PDE1C: variants seen among roughly 807,000 people sequenced by gnomAD.
PDE1C encodes the protein phosphodiesterase 1C.
Under a neutral mutation model 93.1 loss-of-function variants are expected in PDE1C, and 62 were observed. The ratio of observed to expected loss-of-function variants is 0.67; its 90% CI spans 0.54 to 0.82. PDE1C has a LOEUF of 0.82. PDE1C is among the 40% of genes least tolerant of loss of function. The pLI is 0.00. For synonymous variants in PDE1C, 325 were observed against 310.1 expected, an observed-to-expected ratio of 1.05 and a Z score of -0.50; for missense variants, 742 against 884.6, an observed-to-expected ratio of 0.84 and a Z score of 2.04.
chr7:32,406,790 G>A (rs76212094), intron 1 of PDE1C, among the ~76,000 whole-genome samples: 2,269 of 152,262 alleles, frequency 0.015, 31 homozygotes, highest in Middle Eastern at 0.027. Context: ...AGCAAGGATT[G>A]CACAGGGTTT....
intron 1 of PDE1C, among the ~76,000 whole-genome samples, chr7:32,408,192 C>T (rs998134091): frequency 9.9e-5 from 15 of 152,264 alleles, no homozygotes; most frequent in Admixed American, 9.2e-4. Flanking sequence ...ATGTAGTATA[C>T]AGCTTTAAGT....
In PDE1C at chr7:32,148,708, A is replaced by C. The variant is rs142906626; in HGVS notation, c.308+21077T>G. ...GACTGTAAACTCCTCAAGGATTTAC[A>C]GAGCCTTACTCACTGCCGTATCCCC... On this transcript the variant is annotated intron_variant, in intron 3 of 18. Transcript: ENST00000396193. Among the ~76,000 whole-genome samples, 341 of 152,334 alleles carry C rather than the reference A, an allele frequency of 2.2e-3. 11 individuals carry two copies. In the East Asian group the frequency reaches 0.051, roughly 23 times the overall value.
chr7:32,293,136 G>A (rs542263362), intron 1 of PDE1C, among the ~76,000 whole-genome samples: 1 of 152,312 alleles, frequency 6.6e-6, no homozygotes, highest in South Asian at 2.1e-4. Flanking sequence ...CACCCACAGG[G>A]TGACAGCCAG....
intron 1 of PDE1C, among the ~76,000 whole-genome samples, chr7:32,349,468 T>G (rs1783917290): frequency 6.6e-6 from 1 of 152,188 alleles, no homozygotes; most frequent in Non-Finnish European, 1.5e-5. Context: ...GGTCCAAAAT[T>G]AAATTCACTT....
At chr7:31,927,947 AT>A (rs1440770140) in intron 2 of PDE1C, among the ~76,000 whole-genome samples, 2 of 152,134 alleles carry the variant, frequency 1.3e-5, no homozygotes, top group African/African-American at 4.8e-5. Context: ...AGTTTGACGA[AT>A]TAACAGAAGT....
intron 2 of PDE1C, among the ~76,000 whole-genome samples, chr7:31,882,276 G>A (rs1797349400): frequency 6.6e-6 from 1 of 152,166 alleles, no homozygotes. Flanking sequence ...TGGAGGTGAA[G>A]GTCAGCCTTG....
rs550485895 is a variant in PDE1C at position 31,904,590 on chromosome 7, G to C, written c.129-23730C>G. 5.7e-4 allele frequency among the ~76,000 whole-genome samples: 87 copies of C among 151,318 alleles called. 1 individual carries two copies. The highest frequency in any genetic ancestry group is 2.0e-3 in the African/African-American group (84 of 41,258). On this transcript the variant is annotated intron_variant, in intron 2 of 17. Transcript: ENST00000396191. ...CTACATACTACTTCGACTCACTATA[G>C]AAATGGCTAAGAACAACTAAGAACT...
At chr7:31,643,233 A>G in the PDE1C span, 21 of 1,613,910 alleles carry the variant, frequency 1.3e-5, no homozygotes, top group East Asian at 4.7e-4. Context: ...GAGAAGAGGA[A>G]AGCAGTGGAT....
upstream of PDE1C, among the ~76,000 whole-genome samples, chr7:32,073,491 A>G (rs1300965090): frequency 6.6e-6 from 1 of 152,110 alleles, no homozygotes; most frequent in Non-Finnish European, 1.5e-5. Context: ...GCTCCAGTTG[A>G]ATGGGGAAGG....
intron 3 of PDE1C, among the ~76,000 whole-genome samples, chr7:32,129,866 G>C (rs768458919): frequency 1.2e-4 from 19 of 152,128 alleles, no homozygotes; most frequent in African/African-American, 4.6e-4. Flanking sequence ...TCTCAGTTTA[G>C]TATTAAAACA....
At chr7:31,651,130 C>A in the PDE1C span, 1 of 1,609,842 alleles carries the variant, frequency 6.2e-7, no homozygotes, top group South Asian at 1.1e-5. Context: ...AGTTCTTTCT[C>A]ATTGTTCTCA....
At chr7:31,721,775 G>A in the PDE1C span, among the ~76,000 whole-genome samples, 2 of 152,214 alleles carry the variant, frequency 1.3e-5, no homozygotes, top group Admixed American at 1.3e-4. Context: ...CCTTGAAAGA[G>A]CCAGGCTAAA....
chr7:32,290,217 A>G (rs1411680752), intron 1 of PDE1C, among the ~76,000 whole-genome samples: 1 of 152,178 alleles, frequency 6.6e-6, no homozygotes, highest in African/African-American at 2.4e-5. Flanking sequence ...CTTGGCTGAG[A>G]CAGGCACTCC....
At chr7:31,872,138 G>A (rs998111730) in intron 6 of PDE1C, among the ~76,000 whole-genome samples, 1 of 152,118 alleles carries the variant, frequency 6.6e-6, no homozygotes, top group African/African-American at 2.4e-5. Context: ...AAGACAAACA[G>A]CACATGTTCT....
At chr7:32,055,300 A>G (rs551025585) in intron 1 of PDE1C, among the ~76,000 whole-genome samples, 1 of 152,314 alleles carries the variant, frequency 6.6e-6, no homozygotes, top group Admixed American at 6.5e-5. Context: ...AAGGCTGGGG[A>G]GCTCACATTT....
In PDE1C at chr7:31,829,213, T is replaced by C. The variant is rs548396061; in HGVS notation, c.1204-840A>G. Among the ~76,000 whole-genome samples the C allele has an allele frequency of 1.2e-3, 181 of 152,250 alleles. 1 individual carries two copies. Among genetic ancestry groups the C allele is most frequent in the Non-Finnish European group, 2.2e-3 (147 of 68,004 alleles). Reference sequence around the variant, plus strand: ...TCCCTTTCTCCTACTAGATGTGAGATAGATCACAGGTAAGTTATTTTCCTT... The same window carrying C: ...TCCCTTTCTCCTACTAGATGTGAGACAGATCACAGGTAAGTTATTTTCCTT... On this transcript the variant is annotated intron_variant, in intron 11 of 17. Coordinates refer to ENST00000396191, the MANE Select transcript of PDE1C (RefSeq NM_001191057.4).
chr7:31,869,861 T>C (rs1583692272), intron 6 of PDE1C, among the ~76,000 whole-genome samples: 1 of 152,168 alleles, frequency 6.6e-6, no homozygotes, highest in Non-Finnish European at 1.5e-5. Context: ...GACCATATGT[T>C]AGGACACAAA....
intron 17 of PDE1C, among the ~76,000 whole-genome samples, chr7:31,764,369 C>T (rs1795013175): frequency 6.6e-6 from 1 of 152,098 alleles, no homozygotes; most frequent in Admixed American, 6.5e-5. Context: ...TGGTCTCAAA[C>T]TCCTGACCGC....
At chr7:31,969,840 T>C (rs1352261645) in intron 2 of PDE1C, among the ~76,000 whole-genome samples, 1 of 152,112 alleles carries the variant, frequency 6.6e-6, no homozygotes, top group African/African-American at 2.4e-5. Flanking sequence ...ATGTCCTTTG[T>C]AGGGACATCG....
Sources: allele counts gnomAD v4.1 joint callset (sites outside exome capture counted in the v4.1 genomes callset), GRCh38; gene constraint gnomAD v4.1.1; transcripts MANE v1.5; gene names NCBI Gene and HGNC (gene_info 2026-07-23, HGNC 2026-07-21).